Variants in RBFOX1 observed in about 807,000 individuals in gnomAD.
The protein encoded by RBFOX1 is RNA binding fox-1 homolog 1, also known as RNA binding protein fox-1 homolog 1.
In RBFOX1, 8 loss-of-function variants were observed where a neutral mutation model predicts 57.7. The ratio of observed to expected loss-of-function variants is 0.14; its 90% CI spans 0.08 to 0.25. The LOEUF (loss-of-function observed/expected upper bound fraction) is 0.25. Among genes scored for constraint, RBFOX1 ranks in the 10% least tolerant of loss-of-function variants. The pLI is 1.00. For missense variants in RBFOX1, 611 were observed against 548.5 expected (o/e 1.11, Z -1.14); for synonymous variants, 326 against 222.4 (o/e 1.47, Z -4.15).
intron 4 of RBFOX1, among the ~76,000 whole-genome samples, chr16:7,111,220 C>T (rs1441843757): frequency 2.6e-5 from 4 of 152,040 alleles, no homozygotes; most frequent in Non-Finnish European, 5.9e-5. Context: ...TCAGATGGGC[C>T]TTTGTCAAAC....
At position 5,652,744 on chromosome 16, in the gene RBFOX1, C is replaced by G. The variant is rs568691721; in HGVS notation, c.318+53783C>G. 9.2e-5 allele frequency among the ~76,000 whole-genome samples: 14 copies of G among 152,286 alleles called. No individual in the cohort carries two copies. In the South Asian group the frequency reaches 2.9e-3, roughly 32 times the overall value. ...AGTGGGAAGAACAAAGGATTTGAAA[C>G]CAGACAGACTTGAATTCAGATTCTG... On this transcript the variant is annotated intron_variant, in intron 3 of 19. Coordinates refer to the RBFOX1 transcript ENST00000641259.
At chr16:5,516,529 C>G (rs74004365) in intron 2 of RBFOX1, among the ~76,000 whole-genome samples, 2,053 of 152,282 alleles carry the variant, frequency 0.013, 53 homozygotes, top group African/African-American at 0.047. Context: ...TGAGAATTAA[C>G]TATGATTATG....
intron 4 of RBFOX1, among the ~76,000 whole-genome samples, chr16:7,067,578 A>C (rs1028000547): frequency 6.6e-6 from 1 of 151,528 alleles, no homozygotes; most frequent in East Asian, 2.0e-4. Flanking sequence ...GTACATGTGC[A>C]CAATGTTTAG....
At chr16:6,521,335 C>T (rs754064990) in intron 2 of RBFOX1, among the ~76,000 whole-genome samples, 1 of 152,064 alleles carries the variant, frequency 6.6e-6, no homozygotes, top group Non-Finnish European at 1.5e-5. Context: ...GTCTAACATT[C>T]CACTACTAAT....
At chr16:7,374,473 C>G (rs1387561473) in intron 4 of RBFOX1, among the ~76,000 whole-genome samples, 3 of 152,116 alleles carry the variant, frequency 2.0e-5, no homozygotes, top group Non-Finnish European at 2.9e-5. Flanking sequence ...TATGGTGTAA[C>G]TGTATCCAGC....
At chr16:6,436,229 G>C (rs772043744) in intron 2 of RBFOX1, among the ~76,000 whole-genome samples, 7 of 152,010 alleles carry the variant, frequency 4.6e-5, no homozygotes, top group Non-Finnish European at 1.0e-4. Context: ...GGGAATGCAA[G>C]AGCTACCCGA....
At chr16:5,851,093 C>G (rs1438038528) in intron 3 of RBFOX1, among the ~76,000 whole-genome samples, 2 of 152,202 alleles carry the variant, frequency 1.3e-5, no homozygotes, top group East Asian at 1.9e-4. Flanking sequence ...CTTTATTTCT[C>G]CCTTTGGTAC....
chr16:5,593,705 C>T (rs544087314), intron 2 of RBFOX1, among the ~76,000 whole-genome samples: 4 of 152,124 alleles, frequency 2.6e-5, no homozygotes, highest in African/African-American at 4.8e-5. Context: ...CCTTGTTTTG[C>T]GTATCAAGAA....
intron 2 of RBFOX1, among the ~76,000 whole-genome samples, chr16:6,423,860 G>C (rs2093844889): frequency 6.6e-6 from 1 of 152,124 alleles, no homozygotes; most frequent in Non-Finnish European, 1.5e-5. Flanking sequence ...GATCCACCCT[G>C]AATCCTAGTA....
At chr16:7,266,694 C>G (rs1361258602) in intron 4 of RBFOX1, among the ~76,000 whole-genome samples, 2 of 152,096 alleles carry the variant, frequency 1.3e-5, no homozygotes, top group Non-Finnish European at 2.9e-5. Flanking sequence ...TGTTCATGAG[C>G]TTACATTCTT....
chr16:7,650,574 T>C (rs1375576694), intron 11 of RBFOX1, among the ~76,000 whole-genome samples: 1 of 152,104 alleles, frequency 6.6e-6, no homozygotes, highest in East Asian at 1.9e-4. Context: ...CCCCTCTCTC[T>C]CTCTTGCCAA....
At chr16:7,688,938 C>G (rs996249618) in intron 14 of RBFOX1, among the ~76,000 whole-genome samples, 3 of 151,960 alleles carry the variant, frequency 2.0e-5, no homozygotes, top group African/African-American at 7.2e-5. Context: ...TAAATACCCC[C>G]TACGTGAATG....
intron 3 of RBFOX1, among the ~76,000 whole-genome samples, chr16:6,688,125 C>T (rs186231631): frequency 1.3e-5 from 2 of 152,014 alleles, no homozygotes; most frequent in African/African-American, 4.8e-5. Flanking sequence ...GTTCAGCAGG[C>T]TGTACAGGAA....
intron 4 of RBFOX1, among the ~76,000 whole-genome samples, chr16:7,498,251 G>A (rs538887621): frequency 1.3e-5 from 2 of 152,110 alleles, no homozygotes; most frequent in African/African-American, 4.8e-5. Flanking sequence ...TGGTGCCAAG[G>A]TGGTCACTTG....
At chr16:5,653,866 A>C (rs1285266756) in intron 3 of RBFOX1, among the ~76,000 whole-genome samples, 2 of 152,200 alleles carry the variant, frequency 1.3e-5, no homozygotes, top group Non-Finnish European at 2.9e-5. Flanking sequence ...AGCCAAGACC[A>C]GTGGGCAGGA....
chr16:5,360,163 T>C (rs1316162585), intron 1 of RBFOX1, among the ~76,000 whole-genome samples: 3 of 152,190 alleles, frequency 2.0e-5, no homozygotes, highest in African/African-American at 4.8e-5. Flanking sequence ...TCATCCCACA[T>C]CTGCAGCCGC....
At chr16:7,123,472 C>A (rs945355981) in intron 4 of RBFOX1, among the ~76,000 whole-genome samples, 1 of 152,122 alleles carries the variant, frequency 6.6e-6, no homozygotes, top group South Asian at 2.1e-4. Context: ...TCAGGTGATC[C>A]TCCTGCCTTA....
At chr16:5,759,788 C>G (rs544325324) in intron 3 of RBFOX1, among the ~76,000 whole-genome samples, 122 of 127,058 alleles carry the variant, frequency 9.6e-4, no homozygotes, top group African/African-American at 3.2e-3. Flanking sequence ...GTATTCCTCT[C>G]TGGGATTTTT....
At chr16:6,450,481 C>T (rs1389986132) in intron 2 of RBFOX1, among the ~76,000 whole-genome samples, 1 of 151,454 alleles carries the variant, frequency 6.6e-6, no homozygotes, top group African/African-American at 2.4e-5. Flanking sequence ...CATAAGATTT[C>T]CTTCCATGCC....
Sources: allele counts gnomAD v4.1 joint callset (sites outside exome capture counted in the v4.1 genomes callset), GRCh38; gene constraint gnomAD v4.1.1; transcripts MANE v1.5; gene names NCBI Gene and HGNC (gene_info 2026-07-23, HGNC 2026-07-21).